The following EYS variants were observed in gnomAD, a reference collection of about 807,000 sequenced individuals.
EYS encodes EGF-like photoreceptor maintenance factor.
A neutral mutation model predicts 282.1 loss-of-function variants in EYS; 250 were observed. The ratio of observed to expected loss-of-function variants is 0.89; its 90% CI spans 0.80 to 0.98. The LOEUF is 0.98. Ranked by LOEUF, EYS falls within the 50% of genes least tolerant of loss-of-function variation. The pLI is 0.00. For missense variants in EYS, 4,016 were observed against 3,709.0 expected (o/e 1.08, Z -2.15); for synonymous variants, 1,355 against 1,282.9 (o/e 1.06, Z -1.20).
chr6:65,186,749 G>A (rs1375082378), intron 12 of EYS, among the ~76,000 whole-genome samples: 1 of 151,558 alleles, frequency 6.6e-6, no homozygotes, highest in Non-Finnish European at 1.5e-5. Context: ...AGGTTAAGGT[G>A]GCAAGTGTAA....
intron 18 of EYS, among the ~76,000 whole-genome samples, chr6:64,888,345 G>C (rs749357373): frequency 6.6e-6 from 1 of 151,860 alleles, no homozygotes; most frequent in Admixed American, 6.6e-5. Context: ...ATCCTTATTC[G>C]TTCATTACAA....
intron 5 of EYS, among the ~76,000 whole-genome samples, chr6:65,408,413 G>A (rs1415034691): frequency 3.3e-5 from 5 of 151,896 alleles, no homozygotes; most frequent in Admixed American, 3.3e-4. Flanking sequence ...TATCTGGCAG[G>A]TCTATATGAA....
intron 28 of EYS, among the ~76,000 whole-genome samples, chr6:64,418,903 T>G (rs1188268559): frequency 3.3e-5 from 5 of 152,188 alleles, no homozygotes; most frequent in Non-Finnish European, 7.3e-5. Context: ...TGAGGTATGC[T>G]GTGGTATTAA....
At chr6:64,120,126 T>A (rs1447579963) in intron 31 of EYS, among the ~76,000 whole-genome samples, 3 of 151,440 alleles carry the variant, frequency 2.0e-5, no homozygotes, top group Admixed American at 6.6e-5. Context: ...GGTGGGCAGA[T>A]CACGAGGTCA....
chr6:64,206,277 T>A (rs1765606006), intron 31 of EYS, among the ~76,000 whole-genome samples: 1 of 152,210 alleles, frequency 6.6e-6, no homozygotes, highest in African/African-American at 2.4e-5. Context: ...TATAGCAGTA[T>A]TTATACCACA....
At chr6:65,336,267 A>C (rs1039550076) in intron 10 of EYS, among the ~76,000 whole-genome samples, 2 of 151,766 alleles carry the variant, frequency 1.3e-5, no homozygotes, top group Non-Finnish European at 2.9e-5. Flanking sequence ...TCTTTTTGGT[A>C]GTCTTTTGGA....
At chr6:63,727,113 G>A (rs1366702340) in intron 41 of EYS, among the ~76,000 whole-genome samples, 1 of 151,952 alleles carries the variant, frequency 6.6e-6, no homozygotes, top group Admixed American at 6.6e-5. Flanking sequence ...CAAATACAGA[G>A]TATAATTGAG....
At chr6:64,661,570 G>A (rs34194467) in intron 22 of EYS, among the ~76,000 whole-genome samples, 96,936 of 151,262 alleles carry the variant, frequency 0.64, 31,306 homozygotes, top group African/African-American at 0.71. Flanking sequence ...AAAATTGGGC[G>A]AAGGATATGA....
At chr6:65,465,351 C>A (rs1352665698) in intron 5 of EYS, among the ~76,000 whole-genome samples, 1 of 151,864 alleles carries the variant, frequency 6.6e-6, no homozygotes, top group African/African-American at 2.4e-5. Flanking sequence ...GTGATGCACA[C>A]CTGCAGTGTT....
At chr6:64,498,213 A>G (rs969261512) in intron 26 of EYS, among the ~76,000 whole-genome samples, 1 of 152,126 alleles carries the variant, frequency 6.6e-6, no homozygotes, top group Non-Finnish European at 1.5e-5. Flanking sequence ...AACTTGTTTA[A>G]TGCTCACAAT....
intron 26 of EYS, among the ~76,000 whole-genome samples, chr6:64,520,028 C>T (rs1198707670): frequency 6.6e-6 from 1 of 151,794 alleles, no homozygotes; most frequent in Non-Finnish European, 1.5e-5. Context: ...TGTGATTCTT[C>T]TGGACCCAAT....
intron 19 of EYS, among the ~76,000 whole-genome samples, chr6:64,855,146 A>G (rs1766016007): frequency 6.6e-6 from 1 of 151,498 alleles, no homozygotes; most frequent in African/African-American, 2.4e-5. Context: ...TCTCTCCCCC[A>G]TCCCCCACCG....
chr6:64,475,550 C>CAAAA (rs56710433), intron 26 of EYS, among the ~76,000 whole-genome samples: 18 of 43,838 alleles, frequency 4.1e-4, no homozygotes, highest in Admixed American at 2.4e-3. Flanking sequence ...GACTCCGTCT[C>CAAAA]AAAAAAAAAA....
At chr6:64,800,600 T>C (rs1208236807) in intron 22 of EYS, among the ~76,000 whole-genome samples, 1 of 151,794 alleles carries the variant, frequency 6.6e-6, no homozygotes, top group Non-Finnish European at 1.5e-5. Flanking sequence ...TCTTGCTGCT[T>C]ATTTAACTCT....
intron 22 of EYS, among the ~76,000 whole-genome samples, chr6:64,677,782 G>T (rs1214023918): frequency 6.6e-6 from 1 of 151,924 alleles, no homozygotes; most frequent in Admixed American, 6.6e-5. Context: ...ACAAAATGGG[G>T]TTTCTTTTTT....
intron 2 of EYS, among the ~76,000 whole-genome samples, chr6:65,584,629 C>G (rs1315076505): frequency 6.6e-6 from 1 of 151,882 alleles, no homozygotes. Flanking sequence ...TTTGAAAATA[C>G]TACGCTAAGG....
At chr6:64,746,406 C>T (rs1215932819) in intron 22 of EYS, among the ~76,000 whole-genome samples, 2 of 151,946 alleles carry the variant, frequency 1.3e-5, no homozygotes, top group East Asian at 1.9e-4. Flanking sequence ...GATGCTAGCC[C>T]CTTGATATTG....
chr6:64,209,251 A>G (rs935663031), intron 31 of EYS, among the ~76,000 whole-genome samples: 1 of 152,054 alleles, frequency 6.6e-6, no homozygotes, highest in African/African-American at 2.4e-5. Flanking sequence ...TATAATACAT[A>G]TTTTTCCTAG....
chr6:63,847,787 T>C lies in EYS; in HGVS notation c.7228+16399A>G, dbSNP rs542723669. On this transcript the variant is annotated intron_variant, in intron 36 of 42. Coordinates refer to ENST00000503581, the MANE Select transcript of EYS (RefSeq NM_001142800.2). ...TGATCTTATCAAAATATATGAGAAA[T>C]AACTTAGTGTCTATATTTGTACATA... Among the ~76,000 whole-genome samples the C allele has an allele frequency of 5.9e-5, 9 of 152,338 alleles. No individual in the cohort carries two copies. The South Asian group carries it at 1.9e-3, about 32-fold the overall frequency.
Sources: gnomAD v4.1 joint callset for allele counts (sites outside exome capture counted in the v4.1 genomes callset) on GRCh38, gnomAD v4.1.1 for gene constraint, MANE v1.5 for transcripts, NCBI Gene and HGNC (gene_info 2026-07-23, HGNC 2026-07-21) for gene names.